CNTLN: variants seen among roughly 807,000 people sequenced by gnomAD.
The protein encoded by CNTLN is centlein, centrosomal protein.
CNTLN carries 212 observed loss-of-function variants against 180.0 expected under a neutral mutation model. The ratio of observed to expected loss-of-function variants is 1.18; its 90% CI spans 1.05 to 1.32. CNTLN has a LOEUF of 1.32. CNTLN is among the 40% of genes most tolerant of loss of function. The pLI is 0.00. For synonymous variants in CNTLN, 722 were observed against 563.1 expected (o/e 1.28, Z -3.99); for missense variants, 2,095 against 1,610.9 (o/e 1.30, Z -5.14).
At chr9:17,407,429 A>G (rs933620341) in intron 15 of CNTLN, among the ~76,000 whole-genome samples, 1 of 152,226 alleles carries the variant, frequency 6.6e-6, no homozygotes, top group Admixed American at 6.5e-5. Context: ...CCATCAAAGC[A>G]TGTTTATCAA....
chr9:17,421,689 G>A (rs938707156), intron 18 of CNTLN, among the ~76,000 whole-genome samples: 3 of 151,972 alleles, frequency 2.0e-5, no homozygotes, highest in African/African-American at 7.2e-5. Context: ...TTTTCTGGTA[G>A]TAGTTTTTAA....
At chr9:17,386,517 C>T (rs1325173614) in intron 13 of CNTLN, among the ~76,000 whole-genome samples, 1 of 152,120 alleles carries the variant, frequency 6.6e-6, no homozygotes, top group African/African-American at 2.4e-5. Context: ...GTTTATTTCC[C>T]AAATCCTGGG....
chr9:17,515,990 T>A, the CNTLN span, among the ~76,000 whole-genome samples: 1 of 152,170 alleles, frequency 6.6e-6, no homozygotes, highest in Non-Finnish European at 1.5e-5. Flanking sequence ...TTCCTCTCCT[T>A]ATACTCACTC....
Sources: allele counts gnomAD v4.1 joint callset (sites outside exome capture counted in the v4.1 genomes callset), GRCh38; gene constraint gnomAD v4.1.1; transcripts MANE v1.5; gene names NCBI Gene and HGNC (gene_info 2026-07-23, HGNC 2026-07-21).